The following COL5A1 variants were observed in gnomAD, a reference collection of about 807,000 sequenced individuals.
COL5A1 encodes the protein collagen type V alpha 1 chain.
Under a neutral mutation model 263.7 loss-of-function variants are expected in COL5A1, and 16 were observed. The ratio of observed to expected loss-of-function variants is 0.06; its 90% CI spans 0.04 to 0.09. The LOEUF is 0.09. Among genes scored for constraint, COL5A1 ranks in the 10% least tolerant of loss-of-function variants. COL5A1 has a pLI of 1.00. For synonymous variants in COL5A1, 1,012 were observed against 1,004.5 expected (o/e 1.01, Z -0.14); for missense variants, 2,036 against 2,540.5 (o/e 0.80, Z 4.27).
intron 27 of COL5A1, among the ~76,000 whole-genome samples, chr9:134,775,587 G>A (rs1391305701): frequency 6.6e-6 from 1 of 152,190 alleles, no homozygotes; most frequent in Non-Finnish European, 1.5e-5. Flanking sequence ...ATGCAATCTC[G>A]AGTTGTGCTG....
At chr9:134,822,178 T>A in intron 59 of COL5A1, 28 bp downstream of exon 59, 1 of 1,012,826 alleles carries the variant, frequency 9.9e-7, no homozygotes, top group Non-Finnish European at 1.5e-6. Flanking sequence ...GCTTGGTCAT[T>A]CCTGGGAGGG....
chr9:134,698,574 G>T (rs1833564420), intron 2 of COL5A1, among the ~76,000 whole-genome samples: 1 of 152,232 alleles, frequency 6.6e-6, no homozygotes, highest in Non-Finnish European at 1.5e-5. Flanking sequence ...GAAGCCTCAG[G>T]ATGCTGTGGG....
At chr9:134,824,015 A>ATGTG (rs5901055) in intron 61 of COL5A1, among the ~76,000 whole-genome samples, 1 of 148,778 alleles carries the variant, frequency 6.7e-6, no homozygotes. Flanking sequence ...ATATATGTGC[A>ATGTG]TGTGTGTGTG....
At chr9:134,728,531 G>A (rs1834740740) in intron 5 of COL5A1, 139 bp from the exon 6 acceptor site, 3 of 1,168,588 alleles carry the variant, frequency 2.6e-6, no homozygotes, top group Admixed American at 3.4e-5. Context: ...ACCCCATCCG[G>A]GGACCCACAG....
intron 19 of COL5A1, among the ~76,000 whole-genome samples, chr9:134,762,662 G>A (rs1473424024): frequency 6.6e-6 from 1 of 152,188 alleles, no homozygotes; most frequent in Non-Finnish European, 1.5e-5. Flanking sequence ...CGCCTTCTTT[G>A]TATGTGAGAG....
chr9:134,759,805 T>G (rs1417931479), intron 18 of COL5A1, among the ~76,000 whole-genome samples: 12 of 60,988 alleles, frequency 2.0e-4, no homozygotes, highest in East Asian at 1.1e-3. Context: ...ACACCACACA[T>G]GCACACACGC....
Position 134,835,481 on chromosome 9 carries a change from C to T in COL5A1, c.5370+277C>T, listed in dbSNP as rs536625843. Reference sequence around the variant, plus strand: ...AGGGGCGTGGGTCCCTCGCCCCATCCAGGGCTGTGGCGTGGAGTGAGGAAT... The same window carrying T: ...AGGGGCGTGGGTCCCTCGCCCCATCTAGGGCTGTGGCGTGGAGTGAGGAAT... On this transcript the variant is annotated intron_variant, in intron 65 of 65. Transcript: ENST00000371817. 2.6e-5 allele frequency among the ~76,000 whole-genome samples: 4 copies of T among 152,340 alleles called. No homozygotes were observed. In the South Asian group the frequency reaches 6.2e-4, roughly 24 times the overall value.
At chr9:134,770,999 C>T (rs1419247788) in intron 25 of COL5A1, among the ~76,000 whole-genome samples, 2 of 152,364 alleles carry the variant, frequency 1.3e-5, no homozygotes, top group Admixed American at 6.5e-5. Flanking sequence ...TGGAGGCCGC[C>T]GTGATGCCGG....
rs371346071 is a variant in COL5A1, at chr9:134,785,945, G to A, written c.2593-50G>A. 141 of 1,536,674 alleles carry A rather than the reference G, an allele frequency of 9.2e-5. 2 individuals carry two copies. The South Asian group carries it at 1.2e-3, about 13-fold the overall frequency. ...TCCTTTCTCTCTGCTCCGGGGAAAC[G>A]GATGGAGCAATACCGTGCTGGCCAT... On this transcript the variant is annotated intron_variant, in intron 30 of 65. Coordinates refer to ENST00000371817, the MANE Select transcript of COL5A1 (RefSeq NM_000093.5).
intron 65 of COL5A1, among the ~76,000 whole-genome samples, chr9:134,835,949 G>A (rs867565102): frequency 2.1e-4 from 32 of 152,184 alleles, no homozygotes; most frequent in African/African-American, 7.5e-4. Context: ...CCAGGCCTGC[G>A]GGAGCCTCAG....
In COL5A1 at chr9:134,819,047, T is replaced by A; in HGVS notation, c.4440T>A (p.Gly1480=). 6.2e-7 allele frequency: 1 copy of A among 1,612,986 alleles called. No homozygotes were observed. Among genetic ancestry groups the A allele is most frequent in the South Asian group, 1.1e-5 (1 of 91,072 alleles). ...TCAAAGGAGATTCTGGTCCCAAAGG[T>A]GAAAAGGTAAGAGGGGCCTCCCTGC... is the stretch of plus-strand genomic sequence containing the variant. ...PGLKGDSGPK[G]EKGHPGLIGL... is the part of the protein sequence containing the mutation. The change falls in exon 57 of 66, where the codon GGT becomes GGA. Residue 1480 remains glycine, a synonymous_variant. Transcript: ENST00000371817.
At chr9:134,803,716 G>A (rs1458180555) in intron 39 of COL5A1, among the ~76,000 whole-genome samples, 4 of 151,790 alleles carry the variant, frequency 2.6e-5, no homozygotes, top group Non-Finnish European at 5.9e-5. Flanking sequence ...GGTGGCGGGC[G>A]CCTGTAGTCC....
chr9:134,763,360 G>A (rs999532957), intron 19 of COL5A1, among the ~76,000 whole-genome samples: 2 of 152,168 alleles, frequency 1.3e-5, no homozygotes, highest in African/African-American at 2.4e-5. Flanking sequence ...CTCCCCTGAT[G>A]CCCTGTCCTG....
At position 134,822,790 on chromosome 9, in the gene COL5A1, G is replaced by A. The variant is rs908089257; in HGVS notation, c.4609-208G>A. 3 of 665,276 alleles carry A rather than the reference G, an allele frequency of 4.5e-6. No homozygotes were observed. In the South Asian group the frequency reaches 5.2e-5, roughly 12 times the overall value. The allele number at this position is 665,276 out of a possible 1,614,324, so 41.2% of individuals were successfully genotyped here. On this transcript the variant is annotated intron_variant, in intron 59 of 65. Coordinates refer to ENST00000371817, the MANE Select transcript of COL5A1 (RefSeq NM_000093.5). ...GTGGTAGGCTGGCCGGGGGCAGGTA[G>A]GACCACCCTGTGTCTCCACGAGGGG...
At chr9:134,653,089 TC>T (rs1831752124) in intron 1 of COL5A1, 1 of 177,776 alleles carries the variant, frequency 5.6e-6, no homozygotes, top group South Asian at 1.1e-4. Flanking sequence ...GTGTGGCTGT[TC>T]CTCCACCCAT....
intron 18 of COL5A1, among the ~76,000 whole-genome samples, chr9:134,759,557 A>ACACACATGCACACACCACACACCCC (rs1836176491): frequency 7.6e-6 from 1 of 131,340 alleles, no homozygotes; most frequent in Non-Finnish European, 1.6e-5. Context: ...ACACACTCAT[A>ACACACATGCACACACCACACACCCC]CACACATGCA....
intron 63 of COL5A1, among the ~76,000 whole-genome samples, chr9:134,828,831 TCACACAG>T (rs1350741935): frequency 6.9e-6 from 1 of 145,104 alleles, no homozygotes; most frequent in Non-Finnish European, 1.5e-5. Context: ...ACACCACACA[TCACACAG>T]ATACACCCAT....
intron 9 of COL5A1, among the ~76,000 whole-genome samples, chr9:134,735,473 G>A (rs1480742960): frequency 6.6e-6 from 1 of 152,056 alleles, no homozygotes; most frequent in African/African-American, 2.4e-5. Context: ...CCGTGGTTGG[G>A]TGGGCCGGGG....
chr9:134,675,172 G>A (rs1323252485), intron 1 of COL5A1, among the ~76,000 whole-genome samples: 1 of 152,156 alleles, frequency 6.6e-6, no homozygotes, highest in Non-Finnish European at 1.5e-5. Context: ...TGTTGGGTGA[G>A]CGTTTTGATT....
Sources: gnomAD v4.1 joint callset for allele counts (sites outside exome capture counted in the v4.1 genomes callset) on GRCh38, gnomAD v4.1.1 for gene constraint, MANE v1.5 for transcripts, NCBI Gene and HGNC (gene_info 2026-07-23, HGNC 2026-07-21) for gene names.